The following MROH7 variants were observed in gnomAD, a reference collection of about 807,000 sequenced individuals.
MROH7 encodes the protein maestro heat-like repeat-containing protein family member 7.
Under a neutral mutation model 129.2 loss-of-function variants are expected in MROH7, and 113 were observed. The ratio of observed to expected loss-of-function variants is 0.87; its 90% CI spans 0.75 to 1.02. MROH7 has a LOEUF of 1.02. Among genes scored for constraint, MROH7 ranks in the 50% least tolerant of loss-of-function variants. MROH7 has a pLI of 0.00. For missense variants in MROH7, 1,601 were observed against 1,671.3 expected, an observed-to-expected ratio of 0.96 and a Z score of 0.73; for synonymous variants, 655 against 667.9, an observed-to-expected ratio of 0.98 and a Z score of 0.30.
At chr1:54,647,773 T>C (rs1485154724) in intron 1 of MROH7, among the ~76,000 whole-genome samples, 1 of 149,954 alleles carries the variant, frequency 6.7e-6, no homozygotes, top group Non-Finnish European at 1.5e-5. Flanking sequence ...GGTTTGGTGG[T>C]GGGCACCTGT....
intron 17 of MROH7, chr1:54,699,313 CT>C (rs1645394142): frequency 6.7e-6 from 1 of 149,334 alleles, no homozygotes; most frequent in Admixed American, 6.7e-5. Context: ...TTATTTCCTT[CT>C]CTTTTCAAGG....
intron 1 of MROH7, among the ~76,000 whole-genome samples, chr1:54,649,737 C>G (rs1644526840): frequency 6.6e-6 from 1 of 152,212 alleles, no homozygotes; most frequent in African/African-American, 2.4e-5. Flanking sequence ...GACTATGGTC[C>G]TGTGTGTGTG....
chr1:54,704,449 T>A (rs1645494412), intron 21 of MROH7, among the ~76,000 whole-genome samples: 1 of 128,730 alleles, frequency 7.8e-6, no homozygotes, highest in African/African-American at 3.1e-5. Context: ...TTTTTTTTTT[T>A]TTGAGACAGA....
intron 4 of MROH7, among the ~76,000 whole-genome samples, chr1:54,666,051 C>A (rs1374019118): frequency 6.6e-6 from 1 of 152,252 alleles, no homozygotes; most frequent in African/African-American, 2.4e-5. Context: ...TGCCCCAGGG[C>A]CTTTGCACGT....
rs538222819 is a variant in MROH7 at position 54,709,465 on chromosome 1, G to A, written c.3730+389G>A. ...ACTCCTGACCTCAAGTGATCCGCCC[G>A]CTTCTGCCTCCCAAAGTGCTGGGAT... On this transcript the variant is annotated intron_variant, in intron 23 of 23. Coordinates refer to ENST00000421030, the MANE Select transcript of MROH7 (RefSeq NM_001039464.4). Among the ~76,000 whole-genome samples, 5 of 152,178 alleles carry A rather than the reference G, an allele frequency of 3.3e-5. No individual in the cohort carries two copies. In the South Asian group the frequency reaches 1.0e-3, roughly 32 times the overall value.
intron 13 of MROH7, among the ~76,000 whole-genome samples, chr1:54,681,797 C>T (rs991114387): frequency 6.6e-6 from 1 of 152,182 alleles, no homozygotes; most frequent in South Asian, 2.1e-4. Flanking sequence ...CCCCAGGCTG[C>T]TCAACTGCCT....
At chr1:54,699,909 G>A (rs1030847132) in intron 17 of MROH7, 39 of 577,466 alleles carry the variant, frequency 6.8e-5, no homozygotes, top group Non-Finnish European at 1.1e-4. Context: ...GGTGGCAGGG[G>A]TCAGAGTGGA....
intron 13 of MROH7, among the ~76,000 whole-genome samples, chr1:54,682,062 A>T (rs954712840): frequency 2.0e-5 from 3 of 152,220 alleles, no homozygotes; most frequent in Admixed American, 6.5e-5. Flanking sequence ...CCTGGTGTAC[A>T]GTAAATGCTC....
chr1:54,643,818 G>T (rs1339280748), intron 1 of MROH7, among the ~76,000 whole-genome samples: 1 of 152,116 alleles, frequency 6.6e-6, no homozygotes, highest in African/African-American at 2.4e-5. Context: ...CATTCCTCAA[G>T]TATAATTTTG....
Position 54,706,482 on chromosome 1 carries a change from G to A in MROH7, c.3612G>A (p.Leu1204=). Residue 1204 remains leucine (L), a synonymous_variant, in exon 22 of 24, where the codon CTG becomes CTA. Coordinates refer to ENST00000421030, the MANE Select transcript of MROH7 (RefSeq NM_001039464.4). ...CCTTCATATTCCTCAGCCAGAGCCT[G>A]GAGTATGCCAAGAACTCACGGGCCT... ...DSAFIFLSQS[L]EYAKNSRASL... 6.2e-7 allele frequency: 1 copy of A among 1,613,690 alleles called. No homozygotes were observed. The highest frequency in any genetic ancestry group is 8.5e-7 in the Non-Finnish European group (1 of 1,179,978).
intron 15 of MROH7, among the ~76,000 whole-genome samples, chr1:54,688,600 A>T (rs766720444): frequency 6.6e-6 from 1 of 152,102 alleles, no homozygotes; most frequent in Non-Finnish European, 1.5e-5. Context: ...ACCTCTTGGC[A>T]GTTGGTTTCC....
chr1:54,662,397 A>T (rs1298644099), intron 3 of MROH7, among the ~76,000 whole-genome samples: 2 of 152,018 alleles, frequency 1.3e-5, no homozygotes, highest in Non-Finnish European at 2.9e-5. Flanking sequence ...TTAGCCGGGC[A>T]TGGTGGCACA....
Position 54,663,302 on chromosome 1 carries a change from T to A in MROH7, c.1232-1865T>A, listed in dbSNP as rs945430704. On this transcript the variant is annotated intron_variant, in intron 3 of 23. Coordinates refer to ENST00000421030, the MANE Select transcript of MROH7 (RefSeq NM_001039464.4). ...TTGTGATACTCAACTTTTTCTCAATTTGATCAGTGGACTCCCCTTCAAGCA... is the reference window on the plus strand; with the variant it reads ...TTGTGATACTCAACTTTTTCTCAATATGATCAGTGGACTCCCCTTCAAGCA... Among the ~76,000 whole-genome samples the A allele has an allele frequency of 3.4e-4, 52 of 152,140 alleles. 1 individual carries two copies. The highest frequency in any genetic ancestry group is 1.0e-4 in the Non-Finnish European group (7 of 68,016).
rs1321213170 is a variant in MROH7 at position 54,679,941 on chromosome 1, G to T, written c.2277G>T (p.Glu759Asp). 1.2e-6 allele frequency: 2 copies of T among 1,613,782 alleles called. No individual in the cohort carries two copies. Among genetic ancestry groups the T allele is most frequent in the Non-Finnish European group, 1.7e-6 (2 of 1,179,956 alleles). ...GIYMQLSHIQ[E>D]PRARQVALLP... ...ACATGCAGCTGAGCCACATCCAGGAGCCTCGGGCCCGCCAGGTGGCCCTGC... is the reference window on the plus strand; with the variant it reads ...ACATGCAGCTGAGCCACATCCAGGATCCTCGGGCCCGCCAGGTGGCCCTGC... Residue 759 changes from glutamate (E) to aspartate (D), a missense_variant, in exon 13 of 24, where the codon GAG (glutamate) becomes GAT (aspartate). Coordinates refer to ENST00000421030, the MANE Select transcript of MROH7 (RefSeq NM_001039464.4).
chr1:54,700,385 G>T lies in MROH7; in HGVS notation c.3029G>T (p.Gly1010Val), dbSNP rs1436332104. 23 of 1,613,964 alleles carry T rather than the reference G, an allele frequency of 1.4e-5. No homozygotes were observed. Among genetic ancestry groups the T allele is most frequent in the Non-Finnish European group, 1.9e-5 (23 of 1,179,994 alleles). Residue 1010 changes from glycine to valine, a missense_variant, in exon 18 of 24, where the codon GGC (glycine) becomes GTC (valine). Gly to Val is a moderately radical substitution (Grantham distance 109, BLOSUM62 -3). Coordinates refer to ENST00000421030, the MANE Select transcript of MROH7 (RefSeq NM_001039464.4). ...TACTCTCTGGGGCGGATGGCAGAAGGCCTGAGCCACCACGACCCCATCATG... is the reference window on the plus strand; with the variant it reads ...TACTCTCTGGGGCGGATGGCAGAAGTCCTGAGCCACCACGACCCCATCATG... ...EEYSLGRMAEGLSHHDPIMKV... is the reference protein window; with the variant it reads ...EEYSLGRMAEVLSHHDPIMKV...
intron 15 of MROH7, among the ~76,000 whole-genome samples, chr1:54,687,166 T>C (rs141964967): frequency 0.17 from 25,366 of 152,036 alleles, 2,330 homozygotes; most frequent in East Asian, 0.29. Flanking sequence ...CTCCGTCTCC[T>C]GGGTTCAAAC....
intron 21 of MROH7, among the ~76,000 whole-genome samples, chr1:54,706,139 C>T (rs1209602077): frequency 1.3e-5 from 2 of 152,118 alleles, no homozygotes; most frequent in South Asian, 2.1e-4. Flanking sequence ...TACCTATGTC[C>T]CTCACATGCC....
At chr1:54,696,733 G>A (rs148727536) in intron 17 of MROH7, among the ~76,000 whole-genome samples, 80 of 132,822 alleles carry the variant, frequency 6.0e-4, no homozygotes, top group African/African-American at 1.9e-3. Context: ...GTGCAGTGGC[G>A]TGATTTTGGC....
chr1:54,699,159 T>TTTCTTTCCTTTCTTTCTTTCTTTCTTTC (rs71048705), intron 17 of MROH7: 8 of 65,978 alleles, frequency 1.2e-4, no homozygotes, highest in African/African-American at 4.5e-4. Context: ...TCTTTCTTTC[T>TTTCTTTCCTTTCTTTCTTTCTTTCTTTC]TTTCTTTCTT....
Sources: gnomAD v4.1 joint callset for allele counts (sites outside exome capture counted in the v4.1 genomes callset) on GRCh38, gnomAD v4.1.1 for gene constraint, MANE v1.5 for transcripts, NCBI Gene and HGNC (gene_info 2026-07-23, HGNC 2026-07-21) for gene names.